PRKAR2B: variants seen among roughly 807,000 people sequenced by gnomAD.
PRKAR2B encodes the protein cAMP-dependent protein kinase type II-beta regulatory subunit.
Under a neutral mutation model 49.9 loss-of-function variants are expected in PRKAR2B, and 14 were observed. That is an observed-to-expected ratio of 0.28 (90% CI 0.19 to 0.44). The LOEUF (loss-of-function observed/expected upper bound fraction) is 0.44, where lower values mean the gene tolerates loss of function less well. Among genes scored for constraint, PRKAR2B ranks in the 20% least tolerant of loss-of-function variants. PRKAR2B has a pLI of 1.00. For synonymous variants in PRKAR2B, 196 were observed against 197.7 expected (o/e 0.99, Z 0.07); for missense variants, 393 against 537.9 (o/e 0.73, Z 2.67).
At chr7:107,155,286 C>T (rs1162579864) in intron 8 of PRKAR2B, among the ~76,000 whole-genome samples, 2 of 152,188 alleles carry the variant, frequency 1.3e-5, no homozygotes, top group Non-Finnish European at 2.9e-5. Context: ...GGCACAGTGG[C>T]TCACGCCTGT....
At chr7:107,077,272 T>G (rs1794416289) in intron 2 of PRKAR2B, 1 of 152,216 alleles carries the variant, frequency 6.6e-6, no homozygotes, top group African/African-American at 2.4e-5. Flanking sequence ...GTCCCTCTTG[T>G]GTGTCAGGTA....
intron 2 of PRKAR2B, among the ~76,000 whole-genome samples, chr7:107,118,197 A>T (rs1795314753): frequency 6.6e-6 from 1 of 152,134 alleles, no homozygotes. Context: ...CTGACCTCCT[A>T]ATCTTTGTGC....
At chr7:107,086,447 GT>G (rs201458015) in intron 2 of PRKAR2B, among the ~76,000 whole-genome samples, 16 of 150,942 alleles carry the variant, frequency 1.1e-4, no homozygotes, top group South Asian at 2.1e-4. Context: ...TATTAGTAGG[GT>G]TTTTTTTTAA....
At chr7:107,110,311 G>A (rs1015367804) in intron 2 of PRKAR2B, among the ~76,000 whole-genome samples, 1 of 152,110 alleles carries the variant, frequency 6.6e-6, no homozygotes, top group South Asian at 2.1e-4. Flanking sequence ...CTCTGGGGCC[G>A]TAAATAAACT....
At chr7:107,151,478 T>G (rs1795986667) in intron 7 of PRKAR2B, among the ~76,000 whole-genome samples, 1 of 152,252 alleles carries the variant, frequency 6.6e-6, no homozygotes, top group African/African-American at 2.4e-5. Flanking sequence ...CAGGATACAC[T>G]TATTCACTTG....
At chr7:107,092,246 TGTG>T (rs1277174340) in intron 2 of PRKAR2B, among the ~76,000 whole-genome samples, 1 of 31,566 alleles carries the variant, frequency 3.2e-5, no homozygotes, top group African/African-American at 6.9e-5. Context: ...ACCATTAAGT[TGTG>T]TGTGTGTGTG....
At chr7:107,148,000 C>T (rs1795922554) in intron 6 of PRKAR2B, among the ~76,000 whole-genome samples, 1 of 152,148 alleles carries the variant, frequency 6.6e-6, no homozygotes, top group African/African-American at 2.4e-5. Context: ...TAATTGGAAC[C>T]AGTTATTATA....
chr7:107,056,056 C>T (rs868643138), intron 1 of PRKAR2B, among the ~76,000 whole-genome samples: 3 of 152,190 alleles, frequency 2.0e-5, no homozygotes, highest in Admixed American at 1.3e-4. Flanking sequence ...TTTCCAGCAC[C>T]ATTTATTAAA....
chr7:107,095,608 T>G (rs1197327201), intron 2 of PRKAR2B, among the ~76,000 whole-genome samples: 1 of 152,232 alleles, frequency 6.6e-6, no homozygotes, highest in Non-Finnish European at 1.5e-5. Flanking sequence ...CTTCCAGTTT[T>G]TGCCCATTCA....
rs541423774 is a variant in PRKAR2B at position 107,125,667 on chromosome 7, C to T, written c.397-2545C>T. On this transcript the variant is annotated intron_variant, in intron 3 of 10. Transcript: ENST00000265717. The stretch of plus-strand genomic sequence containing the variant: ...CCCCAGTGAAGAGGGATTTTACCGA[C>T]GAGGTTAATTACAGAGAGTGGACTC... Among the ~76,000 whole-genome samples the T allele has an allele frequency of 6.6e-5, 10 of 152,128 alleles. No individual in the cohort carries two copies. In the East Asian group the frequency reaches 1.2e-3, roughly 18 times the overall value.
rs114726303 is a variant in PRKAR2B at position 107,064,095 on chromosome 7, C to T, written c.308-6186C>T. 4.4e-3 allele frequency among the ~76,000 whole-genome samples: 670 copies of T among 152,146 alleles called. 9 individuals are homozygous for T. The highest frequency in any genetic ancestry group is 0.015 in the African/African-American group (631 of 41,506). ...TTAAAATCCTGAAAGTATTTGGGAA[C>T]GTTTTTCTTGACATTGTTACTGCCT... On this transcript the variant is annotated intron_variant, in intron 1 of 10. Coordinates refer to ENST00000265717, the MANE Select transcript of PRKAR2B (RefSeq NM_002736.3).
intron 2 of PRKAR2B, among the ~76,000 whole-genome samples, chr7:107,114,009 C>T (rs978203819): frequency 3.3e-5 from 5 of 152,080 alleles, no homozygotes; most frequent in African/African-American, 9.7e-5. Context: ...TTTGATAAAC[C>T]GATTGAATGC....
At chr7:107,065,370 G>A (rs1015425278) in intron 1 of PRKAR2B, among the ~76,000 whole-genome samples, 4 of 121,916 alleles carry the variant, frequency 3.3e-5, no homozygotes, top group African/African-American at 1.3e-4. Context: ...GTGTGTGTGT[G>A]TGTGTGTTTA....
chr7:107,159,698 T>G lies in PRKAR2B; in HGVS notation c.*116T>G. The G allele has an allele frequency of 8.6e-7, 1 of 1,156,270 alleles. No homozygotes were observed. The highest frequency in any genetic ancestry group is 1.6e-5 in the South Asian group (1 of 61,238). 71.6% of individuals were successfully genotyped at this position (1,156,270 alleles called of 1,614,324 possible). A position where few individuals can be genotyped will look rare whatever the true frequency, so the allele number is the denominator to read the frequency against. On this transcript the variant is annotated 3_prime_UTR_variant, in exon 11 of 11. Coordinates refer to ENST00000265717, the MANE Select transcript of PRKAR2B (RefSeq NM_002736.3). ...TCTGTGATTTCAGGTTTTTTCCTTT[T>G]TTTACATTTACAACGTATCAATAAA...
chr7:107,061,556 ATAATAAGAAGACCC>A (rs1381420411), intron 1 of PRKAR2B, among the ~76,000 whole-genome samples: 1 of 152,210 alleles, frequency 6.6e-6, no homozygotes, highest in Non-Finnish European at 1.5e-5. Flanking sequence ...GTAAAGTTCA[ATAATAAGAAGACCC>A]TAATCAAACT....
chr7:107,154,706 A>G lies in PRKAR2B; in HGVS notation c.918+1455A>G, dbSNP rs112638678. Among the ~76,000 whole-genome samples the G allele has an allele frequency of 5.1e-3, 778 of 152,346 alleles. 10 individuals are homozygous for G. The highest frequency in any genetic ancestry group is 0.018 in the African/African-American group (737 of 41,582). On this transcript the variant is annotated intron_variant, in intron 8 of 10. Coordinates refer to ENST00000265717, the MANE Select transcript of PRKAR2B (RefSeq NM_002736.3). ...TTTGAAATATTTTAAGTTTCTCCAG[A>G]ATCACTTTGAGAGGCTTAGAGAAGT...
chr7:107,092,383 A>G (rs955716225), intron 2 of PRKAR2B, among the ~76,000 whole-genome samples: 8 of 151,898 alleles, frequency 5.3e-5, no homozygotes, highest in Non-Finnish European at 1.0e-4. Flanking sequence ...AGTCCTACCT[A>G]TTCCTTTCAT....
chr7:107,128,507 A>G (rs970279157), intron 4 of PRKAR2B, among the ~76,000 whole-genome samples: 1 of 152,172 alleles, frequency 6.6e-6, no homozygotes, highest in African/African-American at 2.4e-5. Flanking sequence ...TGGAGCAAGA[A>G]GTAAAGAAGC....
At chr7:107,059,877 A>G (rs1470189745) in intron 1 of PRKAR2B, among the ~76,000 whole-genome samples, 1 of 152,026 alleles carries the variant, frequency 6.6e-6, no homozygotes, top group East Asian at 1.9e-4. Flanking sequence ...TTTTTCTCTC[A>G]TGCTCTCAGC....
Sources: gnomAD v4.1 joint callset for allele counts (sites outside exome capture counted in the v4.1 genomes callset) on GRCh38, gnomAD v4.1.1 for gene constraint, MANE v1.5 for transcripts, NCBI Gene and HGNC (gene_info 2026-07-23, HGNC 2026-07-21) for gene names.